The following QTGAL variants were observed in gnomAD, a reference collection of about 807,000 sequenced individuals.
The protein encoded by QTGAL is queuosine-tRNA galactosyltransferase, also known as BGnT-like protein 1.
chr17:82,977,250 G>C, the QTGAL span, among the ~76,000 whole-genome samples: 1 of 152,226 alleles, frequency 6.6e-6, no homozygotes, highest in East Asian at 1.9e-4. Flanking sequence ...CGGAACCTGC[G>C]TGAATAAGGA....
chr17:83,038,887 T>C, the QTGAL span, among the ~76,000 whole-genome samples: 1 of 129,344 alleles, frequency 7.7e-6, no homozygotes, highest in Non-Finnish European at 1.8e-5. Context: ...TTAAAAGATG[T>C]TTATAGTAGT....
chr17:82,954,680 C>T, the QTGAL span, among the ~76,000 whole-genome samples: 1 of 152,266 alleles, frequency 6.6e-6, no homozygotes, highest in Non-Finnish European at 1.5e-5. Context: ...CCAAGACAAT[C>T]CTAGGCAAAA....
At chr17:82,990,410 C>T in the QTGAL span, among the ~76,000 whole-genome samples, 7 of 152,254 alleles carry the variant, frequency 4.6e-5, no homozygotes, top group African/African-American at 7.2e-5. Context: ...GCAAGAGACT[C>T]GCCATCGTAG....
chr17:82,971,160 T>A, the QTGAL span, among the ~76,000 whole-genome samples: 1 of 152,048 alleles, frequency 6.6e-6, no homozygotes, highest in African/African-American at 2.4e-5. Flanking sequence ...ACAAACCACA[T>A]CCAAACCACG....
At chr17:83,011,180 G>A in the QTGAL span, among the ~76,000 whole-genome samples, 1 of 152,242 alleles carries the variant, frequency 6.6e-6, no homozygotes, top group Non-Finnish European at 1.5e-5. Context: ...GAATCCAAGG[G>A]TCAGCCGGGG....
chr17:83,005,605 G>T, the QTGAL span: 1 of 702,820 alleles, frequency 1.4e-6, no homozygotes, highest in South Asian at 1.5e-5. The surrounding 1 kb of genome is among the most constrained non-coding windows in gnomAD (Gnocchi z 5.6). Context: ...TGGATGTGAG[G>T]AAACCGCTGC....
chr17:83,006,807 T>A, the QTGAL span: 1 of 985,380 alleles, frequency 1.0e-6, no homozygotes, highest in Non-Finnish European at 1.2e-6. The surrounding 1 kb of genome is among the most constrained non-coding windows in gnomAD (Gnocchi z 5.8). Context: ...CAAGTTCAGG[T>A]TTGTCTGTGA....
the QTGAL span, among the ~76,000 whole-genome samples, chr17:83,046,103 C>T: frequency 2.6e-5 from 4 of 152,016 alleles, no homozygotes; most frequent in African/African-American, 9.7e-5. Context: ...GGATAACAGG[C>T]ATGACCCACC....
At chr17:83,014,008 C>T in the QTGAL span, among the ~76,000 whole-genome samples, 1 of 151,822 alleles carries the variant, frequency 6.6e-6, no homozygotes, top group Middle Eastern at 3.2e-3. Flanking sequence ...CCCCACTGGG[C>T]GGAGGAGCCC....
the QTGAL span, among the ~76,000 whole-genome samples, chr17:83,051,087 C>T: frequency 7.4e-6 from 1 of 135,758 alleles, no homozygotes; most frequent in East Asian, 2.1e-4. Flanking sequence ...GGGAGCGAGG[C>T]AGGTGCGCGC....
the QTGAL span, chr17:82,949,170 A>T: frequency 6.6e-6 from 1 of 152,228 alleles, no homozygotes. Context: ...GGGTTGGCAC[A>T]GCAGCTGCGG....
At chr17:83,026,232 G>A in the QTGAL span, among the ~76,000 whole-genome samples, 4 of 152,148 alleles carry the variant, frequency 2.6e-5, no homozygotes, top group Non-Finnish European at 4.4e-5. Context: ...GTGGGTGTTC[G>A]CAGGCATCAC....
At chr17:82,952,112 A>G in the QTGAL span, among the ~76,000 whole-genome samples, 1 of 152,250 alleles carries the variant, frequency 6.6e-6, no homozygotes. Context: ...GTTGCCAGAA[A>G]GCTGTGCCCA....
At chr17:82,966,083 C>A in the QTGAL span, among the ~76,000 whole-genome samples, 1 of 141,146 alleles carries the variant, frequency 7.1e-6, no homozygotes, top group East Asian at 2.1e-4. Flanking sequence ...CTGATTTTTA[C>A]TTTTTTTTTT....
chr17:82,942,495 C>A, the QTGAL span: 2 of 1,613,794 alleles, frequency 1.2e-6, no homozygotes, highest in East Asian at 4.5e-5. Context: ...CTCACCCCTG[C>A]CTGGTGAGGA....
the QTGAL span, among the ~76,000 whole-genome samples, chr17:82,989,898 G>A: frequency 6.6e-5 from 10 of 152,096 alleles, no homozygotes; most frequent in Admixed American, 1.3e-4. Flanking sequence ...AGTATATTAC[G>A]GGCAATTGCA....
At chr17:83,041,052 C>T in the QTGAL span, among the ~76,000 whole-genome samples, 17 of 136,234 alleles carry the variant, frequency 1.2e-4, no homozygotes, top group East Asian at 2.1e-4. Flanking sequence ...GGTGACAGAG[C>T]GAGACTCCAT....
chr17:82,980,825 T>C, the QTGAL span, among the ~76,000 whole-genome samples: 12 of 152,244 alleles, frequency 7.9e-5, no homozygotes, highest in East Asian at 2.1e-3. Flanking sequence ...TCGTGGGCCA[T>C]TGCTGATCAC....
chr17:82,982,203 AGCGGGCC>A, the QTGAL span, among the ~76,000 whole-genome samples: 1 of 10,720 alleles, frequency 9.3e-5, no homozygotes, highest in East Asian at 6.8e-3. Flanking sequence ...TGATGGGCCG[AGCGGGCC>A]GAGGAAGGAG....
Sources: gnomAD v4.1 joint callset for allele counts (sites outside exome capture counted in the v4.1 genomes callset) on GRCh38, gnomAD v4.1.1 for gene constraint, Gnocchi (gnomAD v3.1) non-coding constraint, MANE v1.5 for transcripts, NCBI Gene and HGNC (gene_info 2026-07-23, HGNC 2026-07-21) for gene names.